BRD10: variants seen among roughly 807,000 people sequenced by gnomAD.
BRD10 encodes the protein uncharacterized bromodomain-containing protein 10.
chr9:5,980,363 C>CCTA, the BRD10 span, among the ~76,000 whole-genome samples: 1 of 152,128 alleles, frequency 6.6e-6, no homozygotes, highest in Non-Finnish European at 1.5e-5. Context: ...CCTCTCTGTT[C>CCTA]AACAGGCCAT....
chr9:5,923,821 T>G, the BRD10 span, among the ~76,000 whole-genome samples: 1 of 152,198 alleles, frequency 6.6e-6, no homozygotes, highest in South Asian at 2.1e-4. Context: ...TCGGTCAAAC[T>G]AGGTTTATAA....
At chr9:5,882,374 G>A in the BRD10 span, among the ~76,000 whole-genome samples, 5 of 152,160 alleles carry the variant, frequency 3.3e-5, no homozygotes, top group African/African-American at 4.8e-5. Context: ...CAAGGATTTC[G>A]CATGAGACCC....
the BRD10 span, among the ~76,000 whole-genome samples, chr9:5,961,298 G>A: frequency 6.6e-6 from 1 of 152,166 alleles, no homozygotes; most frequent in African/African-American, 2.4e-5. Context: ...CAAGTCACAA[G>A]ATAATGGGAG....
At chr9:5,976,774 CAAA>C in the BRD10 span, among the ~76,000 whole-genome samples, 2 of 113,992 alleles carry the variant, frequency 1.8e-5, no homozygotes, top group Non-Finnish European at 1.9e-5. Flanking sequence ...GAAAGGACAG[CAAA>C]AAAAAAAAAA....
At chr9:5,952,363 A>G in the BRD10 span, among the ~76,000 whole-genome samples, 1 of 152,180 alleles carries the variant, frequency 6.6e-6, no homozygotes, top group African/African-American at 2.4e-5. Context: ...TATTTTGACC[A>G]TGACCCATGG....
chr9:5,903,640 C>A, the BRD10 span, among the ~76,000 whole-genome samples: 1 of 152,094 alleles, frequency 6.6e-6, no homozygotes, highest in Non-Finnish European at 1.5e-5. Context: ...TTTTTCCTTG[C>A]AGTTCTATCA....
the BRD10 span, among the ~76,000 whole-genome samples, chr9:5,966,489 T>A: frequency 4.0e-5 from 5 of 123,486 alleles, no homozygotes; most frequent in African/African-American, 1.5e-4. Flanking sequence ...AGACAGAGTC[T>A]TGCTCTGTTG....
chr9:5,919,812 C>G, the BRD10 span: 2 of 1,613,862 alleles, frequency 1.2e-6, no homozygotes, highest in East Asian at 4.5e-5. Context: ...ACCTTAGATG[C>G]TGGAGTATTT....
chr9:5,959,893 T>C, the BRD10 span, among the ~76,000 whole-genome samples: 1 of 152,216 alleles, frequency 6.6e-6, no homozygotes, highest in Non-Finnish European at 1.5e-5. Context: ...ATGACACCCT[T>C]CTATCATTCG....
At chr9:5,942,664 CAGT>C in the BRD10 span, among the ~76,000 whole-genome samples, 3 of 152,120 alleles carry the variant, frequency 2.0e-5, no homozygotes, top group Non-Finnish European at 4.4e-5. Context: ...TTAGTAATCT[CAGT>C]AAGATTATCC....
At chr9:5,921,539 T>G in the BRD10 span, 1 of 1,613,920 alleles carries the variant, frequency 6.2e-7, no homozygotes, top group Non-Finnish European at 8.5e-7. Flanking sequence ...TGCAGTTCCA[T>G]TGCCAGAAGA....
chr9:5,884,974 A>C, the BRD10 span, among the ~76,000 whole-genome samples: 1 of 152,106 alleles, frequency 6.6e-6, no homozygotes, highest in Admixed American at 6.5e-5. Flanking sequence ...GCTTCCTGAG[A>C]GGGAGCCACA....
the BRD10 span, among the ~76,000 whole-genome samples, chr9:5,980,681 A>T: frequency 6.6e-6 from 1 of 152,140 alleles, no homozygotes; most frequent in Non-Finnish European, 1.5e-5. Flanking sequence ...GTATATGTAT[A>T]TAGAGAGAGA....
the BRD10 span, among the ~76,000 whole-genome samples, chr9:5,904,086 G>C: frequency 6.6e-6 from 1 of 152,034 alleles, no homozygotes; most frequent in African/African-American, 2.4e-5. Context: ...TTGAACTCCT[G>C]AGCTCAGGCA....
chr9:5,921,774 G>A, the BRD10 span: 2 of 1,613,930 alleles, frequency 1.2e-6, no homozygotes, highest in Non-Finnish European at 1.7e-6. Flanking sequence ...GTTGTTGATG[G>A]TAGTAGAGTA....
At chr9:5,989,848 A>G in the BRD10 span, among the ~76,000 whole-genome samples, 59 of 152,196 alleles carry the variant, frequency 3.9e-4, 1 homozygote, top group African/African-American at 1.2e-3. Flanking sequence ...TCTTTATGAC[A>G]TAAAATATAA....
At chr9:6,007,145 T>A in the BRD10 span, 3 of 1,554,234 alleles carry the variant, frequency 1.9e-6, no homozygotes, top group African/African-American at 2.7e-5. Flanking sequence ...CACGTGTGAG[T>A]GTGTGTTTGT....
At chr9:5,944,463 T>C in the BRD10 span, among the ~76,000 whole-genome samples, 2 of 152,094 alleles carry the variant, frequency 1.3e-5, no homozygotes, top group African/African-American at 4.8e-5. Context: ...TCCGGGGCAG[T>C]ATTAAACAAT....
At chr9:6,008,091 C>T in the BRD10 span, 1 of 984,572 alleles carries the variant, frequency 1.0e-6, no homozygotes, top group Non-Finnish European at 1.2e-6. Context: ...CTCCGCACCC[C>T]GCCCGCCTGC....
Sources: gnomAD v4.1 joint callset for allele counts (sites outside exome capture counted in the v4.1 genomes callset) on GRCh38, gnomAD v4.1.1 for gene constraint, MANE v1.5 for transcripts, NCBI Gene and HGNC (gene_info 2026-07-23, HGNC 2026-07-21) for gene names.